ALCAM: variants seen among roughly 807,000 people sequenced by gnomAD.
The protein encoded by ALCAM is CD166 antigen.
Under a neutral mutation model 70.9 loss-of-function variants are expected in ALCAM, and 30 were observed. The observed-to-expected ratio is 0.42, with a 90% CI of 0.32 to 0.57. The LOEUF (loss-of-function observed/expected upper bound fraction) is 0.57, where lower values mean the gene tolerates loss of function less well. ALCAM is among the 20% of genes least tolerant of loss of function. The pLI is 0.11. For synonymous variants in ALCAM, 249 were observed against 242.5 expected (o/e 1.03, Z -0.25); for missense variants, 591 against 695.1 (o/e 0.85, Z 1.68).
At chr3:105,525,165 A>G in intron 3 of ALCAM, 1 of 984,068 alleles carries the variant, frequency 1.0e-6, no homozygotes, top group Middle Eastern at 5.2e-4. Context: ...AATTAAAAAA[A>G]CTCACTATAC....
chr3:105,423,366 C>A (rs1936716017), intron 1 of ALCAM, among the ~76,000 whole-genome samples: 1 of 151,148 alleles, frequency 6.6e-6, no homozygotes, highest in Non-Finnish European at 1.5e-5. Context: ...TGGCGCAGAA[C>A]AAACAGGGCC....
intron 1 of ALCAM, among the ~76,000 whole-genome samples, chr3:105,459,946 C>T (rs1937581035): frequency 6.6e-6 from 1 of 151,664 alleles, no homozygotes; most frequent in Admixed American, 6.6e-5. Context: ...GTAGAAGTAC[C>T]ATAGAAATAA....
intron 1 of ALCAM, among the ~76,000 whole-genome samples, chr3:105,407,133 G>T (rs965763559): frequency 6.6e-6 from 1 of 152,070 alleles, no homozygotes; most frequent in Non-Finnish European, 1.5e-5. Flanking sequence ...GACATTCAAA[G>T]AATTGGCACC....
chr3:105,381,603 G>A (rs972168789), intron 1 of ALCAM, among the ~76,000 whole-genome samples: 10 of 151,892 alleles, frequency 6.6e-5, no homozygotes, highest in African/African-American at 2.4e-4. Context: ...CTAAAAATGA[G>A]ATGCTTTGCA....
intron 1 of ALCAM, among the ~76,000 whole-genome samples, chr3:105,384,969 T>C (rs1935612908): frequency 6.6e-6 from 1 of 151,562 alleles, no homozygotes; most frequent in Admixed American, 6.6e-5. Context: ...AGTGATCAGT[T>C]AAGATTCTGG....
At chr3:105,444,641 C>G (rs1937255354) in intron 1 of ALCAM, among the ~76,000 whole-genome samples, 1 of 152,138 alleles carries the variant, frequency 6.6e-6, no homozygotes. Context: ...ACTTAAAATA[C>G]CATGACTTCT....
At chr3:105,398,481 A>G (rs1335956408) in intron 1 of ALCAM, among the ~76,000 whole-genome samples, 1 of 152,094 alleles carries the variant, frequency 6.6e-6, no homozygotes, top group Non-Finnish European at 1.5e-5. Context: ...CCTGATTTTC[A>G]ATTTAATCAT....
chr3:105,386,929 GCAAA>G (rs2107345534), intron 1 of ALCAM, among the ~76,000 whole-genome samples: 1 of 151,466 alleles, frequency 6.6e-6, no homozygotes, highest in South Asian at 2.1e-4. Context: ...GGTTACATGA[GCAAA>G]TTACCCAATA....
intron 1 of ALCAM, among the ~76,000 whole-genome samples, chr3:105,397,350 A>T (rs968353810): frequency 1.3e-5 from 2 of 152,028 alleles, no homozygotes; most frequent in Non-Finnish European, 2.9e-5. Flanking sequence ...AAGTAAACTT[A>T]GTCAAAGTGC....
chr3:105,367,395 G>A lies in ALCAM; in HGVS notation c.-14G>A. 2 of 1,613,686 alleles carry A rather than the reference G, an allele frequency of 1.2e-6. No individual in the cohort carries two copies. The highest frequency in any genetic ancestry group is 8.5e-7 in the Non-Finnish European group (1 of 1,179,706). On this transcript the variant is annotated 5_prime_UTR_variant, in exon 1 of 16. Coordinates refer to ENST00000306107, the MANE Select transcript of ALCAM (RefSeq NM_001627.4). Reference sequence around the variant, plus strand: ...GTGGACTCCGTCAGTGGCCCACCAAGAAGGAGGAGGAATATGGAATCCAAG... The same window carrying A: ...GTGGACTCCGTCAGTGGCCCACCAAAAAGGAGGAGGAATATGGAATCCAAG...
At chr3:105,494,473 T>A (rs1938680600) in intron 1 of ALCAM, among the ~76,000 whole-genome samples, 1 of 151,774 alleles carries the variant, frequency 6.6e-6, no homozygotes, top group South Asian at 2.1e-4. Context: ...TTTCTTCCTT[T>A]CTTCTCTTTT....
Position 105,571,938 on chromosome 3 carries a change from A to G in ALCAM, c.1751A>G (p.Ter584=), listed in dbSNP as rs753483858. The G allele has an allele frequency of 5.6e-6, 9 of 1,609,612 alleles. No individual in the cohort carries two copies. The highest frequency in any genetic ancestry group is 1.3e-5 in the African/African-American group (1 of 74,808). The change falls in exon 15 of 16, where the codon TAA becomes TGA. Residue 584 remains the stop codon, a stop_retained_variant. Coordinates refer to ENST00000306107, the MANE Select transcript of ALCAM (RefSeq NM_001627.4). ...LEENNHKTEA[*] ...GAAAACAATCACAAAACTGAAGCCT[A>G]AGAGAGAAACTGTCCTAGTTGTCCA...
At chr3:105,396,971 ATGAAT>A (rs1175548006) in intron 1 of ALCAM, among the ~76,000 whole-genome samples, 2 of 152,056 alleles carry the variant, frequency 1.3e-5, no homozygotes, top group African/African-American at 4.8e-5. Flanking sequence ...CCTATTGTAG[ATGAAT>A]TGAATTAATT....
At chr3:105,541,872 G>C (rs901301238) in intron 8 of ALCAM, 107 bp downstream of exon 8, 4 of 1,346,902 alleles carry the variant, frequency 3.0e-6, no homozygotes, top group East Asian at 2.3e-5. Context: ...TAAATAACTT[G>C]GTTGCAATAG....
intron 1 of ALCAM, among the ~76,000 whole-genome samples, chr3:105,494,722 C>T (rs1328927687): frequency 2.6e-5 from 4 of 151,626 alleles, no homozygotes; most frequent in Non-Finnish European, 4.4e-5. Context: ...TGTAACGTCA[C>T]GATCATAGCC....
At chr3:105,538,656 T>G (rs1576229510) in intron 6 of ALCAM, among the ~76,000 whole-genome samples, 2 of 152,086 alleles carry the variant, frequency 1.3e-5, no homozygotes, top group African/African-American at 4.8e-5. Flanking sequence ...AGGCCAAACA[T>G]GAGCACTAGT....
rs1369867083 is a variant in ALCAM at position 105,576,657 on chromosome 3, C to T, written c.*2206C>T. The stretch of plus-strand genomic sequence containing the variant: ...AACATTATTACCATCGATTCAGTGC[C>T]TGGATAAAGAGGAAAGCTTACTTGT... On this transcript the variant is annotated 3_prime_UTR_variant, in exon 16 of 16. Transcript: ENST00000306107. 6.6e-6 allele frequency: 1 copy of T among 152,232 alleles called. No homozygotes were observed. The highest frequency in any genetic ancestry group is 2.4e-5 in the African/African-American group (1 of 41,420). 9.4% of individuals were successfully genotyped at this position (152,232 alleles called of 1,614,324 possible).
At chr3:105,456,466 T>A (rs2152594807) in intron 1 of ALCAM, among the ~76,000 whole-genome samples, 1 of 152,366 alleles carries the variant, frequency 6.6e-6, no homozygotes, top group South Asian at 2.1e-4. Flanking sequence ...CAAAGCTTCC[T>A]TTCCTGCTGT....
At chr3:105,436,958 A>C (rs1937063544) in intron 1 of ALCAM, among the ~76,000 whole-genome samples, 1 of 152,216 alleles carries the variant, frequency 6.6e-6, no homozygotes, top group Non-Finnish European at 1.5e-5. Context: ...AGAGTCAGAA[A>C]GGGAAGGACC....
Sources: allele counts gnomAD v4.1 joint callset (sites outside exome capture counted in the v4.1 genomes callset), GRCh38; gene constraint gnomAD v4.1.1; transcripts MANE v1.5; gene names NCBI Gene and HGNC (gene_info 2026-07-23, HGNC 2026-07-21).